The following LRMDA variants were observed in gnomAD, a reference collection of about 807,000 sequenced individuals.
LRMDA encodes leucine rich melanocyte differentiation associated.
Under a neutral mutation model 29.8 loss-of-function variants are expected in LRMDA, and 18 were observed. The ratio of observed to expected loss-of-function variants is 0.60; its 90% CI spans 0.42 to 0.90. The LOEUF is 0.90. Ranked by LOEUF, LRMDA falls within the 40% of genes least tolerant of loss-of-function variation. LRMDA has a pLI of 0.00. For synonymous variants in LRMDA, 125 were observed against 109.4 expected (o/e 1.14, Z -0.89); for missense variants, 273 against 273.9 (o/e 1.00, Z 0.02).
chr10:76,288,640 G>C (rs576882403), intron 5 of LRMDA, among the ~76,000 whole-genome samples: 2 of 152,180 alleles, frequency 1.3e-5, no homozygotes, highest in Admixed American at 6.5e-5. Flanking sequence ...CAGTCTAAAA[G>C]CATGGCTTCC....
intron 5 of LRMDA, among the ~76,000 whole-genome samples, chr10:76,188,971 G>A (rs1464962424): frequency 7.3e-5 from 10 of 137,704 alleles, no homozygotes; most frequent in Non-Finnish European, 3.0e-5. Flanking sequence ...CACACACACA[G>A]TTCTGTTTAT....
chr10:75,492,546 A>G (rs1307064798), intron 2 of LRMDA, among the ~76,000 whole-genome samples: 1 of 152,158 alleles, frequency 6.6e-6, no homozygotes, highest in Non-Finnish European at 1.5e-5. Flanking sequence ...GGAAAGAAAG[A>G]CTTGTTCTCC....
rs558408598 is a variant in LRMDA at position 75,485,655 on chromosome 10, G to T, written c.131+47161G>T. 1.1e-4 allele frequency among the ~76,000 whole-genome samples: 16 copies of T among 152,126 alleles called. No homozygotes were observed. In the East Asian group the frequency reaches 2.9e-3, roughly 28 times the overall value. On this transcript the variant is annotated intron_variant, in intron 2 of 6. Coordinates refer to ENST00000611255, the MANE Select transcript of LRMDA (RefSeq NM_001305581.2). ...TGGAGTGCAGCGATCTCAGTGCACC[G>T]CAACCTCCGCCTCCCGGGTTCAAGC...
At chr10:76,167,610 A>C (rs1027678039) in intron 5 of LRMDA, among the ~76,000 whole-genome samples, 2 of 152,072 alleles carry the variant, frequency 1.3e-5, no homozygotes, top group South Asian at 4.1e-4. Flanking sequence ...CCATTGGTCT[A>C]TGTATCTGTT....
At chr10:75,878,376 G>T (rs138849806) in intron 2 of LRMDA, among the ~76,000 whole-genome samples, 7 of 151,906 alleles carry the variant, frequency 4.6e-5, no homozygotes, top group Non-Finnish European at 8.8e-5. Context: ...GAGCCAGAAG[G>T]GGGGCATGGA....
intron 2 of LRMDA, among the ~76,000 whole-genome samples, chr10:75,668,178 C>T (rs1294479945): frequency 2.6e-5 from 4 of 152,208 alleles, no homozygotes; most frequent in Non-Finnish European, 4.4e-5. Context: ...ATCTCTTGCC[C>T]TCCCATCGCT....
intron 6 of LRMDA, among the ~76,000 whole-genome samples, chr10:76,367,353 G>C (rs1329269718): frequency 1.3e-5 from 2 of 152,036 alleles, no homozygotes; most frequent in Non-Finnish European, 2.9e-5. Flanking sequence ...TGAATGTCTG[G>C]TAGAATTCTG....
At chr10:76,541,201 C>T (rs185490318) in intron 6 of LRMDA, among the ~76,000 whole-genome samples, 62 of 152,226 alleles carry the variant, frequency 4.1e-4, no homozygotes, top group African/African-American at 1.3e-3. Context: ...CCTCTAGTGC[C>T]CTAATAGAGA....
At chr10:75,514,038 T>C (rs1845258597) in intron 2 of LRMDA, among the ~76,000 whole-genome samples, 1 of 152,190 alleles carries the variant, frequency 6.6e-6, no homozygotes, top group African/African-American at 2.4e-5. Context: ...TCACCTTAAC[T>C]GTTGTTATAA....
chr10:75,490,604 A>T (rs1270343330), intron 2 of LRMDA, among the ~76,000 whole-genome samples: 1 of 152,202 alleles, frequency 6.6e-6, no homozygotes, highest in Non-Finnish European at 1.5e-5. Context: ...AAAGTCAACC[A>T]TTTCATTTTA....
At chr10:76,349,859 C>T (rs1841153306) in intron 6 of LRMDA, among the ~76,000 whole-genome samples, 1 of 151,880 alleles carries the variant, frequency 6.6e-6, no homozygotes, top group African/African-American at 2.4e-5. Context: ...GGGACTCTAC[C>T]ACAGGAAAAA....
intron 2 of LRMDA, among the ~76,000 whole-genome samples, chr10:75,442,200 C>T (rs1844333702): frequency 6.6e-6 from 1 of 152,198 alleles, no homozygotes. Context: ...TACATGCATA[C>T]ATTGTGAGAT....
At position 75,897,817 on chromosome 10, in the gene LRMDA, C is replaced by CTTTTTTTTTTT. The variant is rs3042518; in HGVS notation, c.132-138178_132-138168dup. On this transcript the variant is annotated intron_variant, in intron 2 of 6. Transcript: ENST00000611255. ...GTTTTGCTAAAGCACTTCTTCCTGC[C>CTTTTTTTTTTT]TTTTTTTTTTTTTTTTTTTTTTTGA... 6.4e-5 allele frequency among the ~76,000 whole-genome samples: 5 copies of CTTTTTTTTTTT among 78,420 alleles called. 1 individual carries two copies. Among genetic ancestry groups the CTTTTTTTTTTT allele is most frequent in the East Asian group, 4.6e-4 (1 of 2,166 alleles). 51.4% of individuals were successfully genotyped at this position (78,420 alleles called of 152,430 possible). A position where few individuals can be genotyped will look rare whatever the true frequency, so the allele number is the denominator to read the frequency against.
At chr10:76,211,548 C>T (rs1361809943) in intron 5 of LRMDA, among the ~76,000 whole-genome samples, 2 of 152,208 alleles carry the variant, frequency 1.3e-5, no homozygotes, top group Non-Finnish European at 2.9e-5. Context: ...GAAACTACAA[C>T]AATGAATGAC....
chr10:76,477,134 T>C (rs1001032750), intron 6 of LRMDA, among the ~76,000 whole-genome samples: 7 of 152,140 alleles, frequency 4.6e-5, no homozygotes, highest in Non-Finnish European at 7.3e-5. Flanking sequence ...GATGACATCA[T>C]TGTATATCTA....
chr10:76,353,603 C>G (rs752072450), intron 6 of LRMDA, among the ~76,000 whole-genome samples: 2 of 152,044 alleles, frequency 1.3e-5, no homozygotes, highest in Admixed American at 6.6e-5. Flanking sequence ...GTGGAGAGTT[C>G]TGAGATGTGA....
chr10:76,235,989 C>T (rs1441916793), intron 5 of LRMDA, among the ~76,000 whole-genome samples: 2 of 152,104 alleles, frequency 1.3e-5, no homozygotes, highest in African/African-American at 2.4e-5. Context: ...TGGGGTGGTA[C>T]ATTCTGTTTG....
intron 2 of LRMDA, among the ~76,000 whole-genome samples, chr10:75,906,507 A>G (rs1483450979): frequency 2.6e-5 from 4 of 152,170 alleles, no homozygotes; most frequent in Non-Finnish European, 5.9e-5. Flanking sequence ...CCCTAGTCTC[A>G]TGCTGCTTAC....
intron 5 of LRMDA, among the ~76,000 whole-genome samples, chr10:76,247,411 G>T (rs1456123237): frequency 1.3e-5 from 2 of 152,168 alleles, no homozygotes; most frequent in African/African-American, 4.8e-5. Flanking sequence ...CTTAGTTGAA[G>T]GGGACTGAGC....
Sources: gnomAD v4.1 joint callset for allele counts (sites outside exome capture counted in the v4.1 genomes callset) on GRCh38, gnomAD v4.1.1 for gene constraint, MANE v1.5 for transcripts, NCBI Gene and HGNC (gene_info 2026-07-23, HGNC 2026-07-21) for gene names.